The following GAS2L3 variants were observed in gnomAD, a reference collection of about 807,000 sequenced individuals.
GAS2L3 encodes GAS2-like protein 3.
GAS2L3 carries 28 observed loss-of-function variants against 37.0 expected under a neutral mutation model. That is an observed-to-expected ratio of 0.76 (90% CI 0.56 to 1.04). The LOEUF is 1.04. Ranked by LOEUF, GAS2L3 falls within the 50% of genes least tolerant of loss-of-function variation. The probability of loss-of-function intolerance (pLI) is 0.00; values close to 1 mark genes in which losing one functional copy is unlikely to be tolerated. For missense variants in GAS2L3, 793 were observed against 817.6 expected (o/e 0.97, Z 0.37); for synonymous variants, 290 against 296.6 (o/e 0.98, Z 0.23).
chr12:100,591,739 A>G lies in GAS2L3; in HGVS notation c.-148A>G, dbSNP rs1474891538. 3 of 152,152 alleles carry G rather than the reference A, an allele frequency of 2.0e-5. No individual in the cohort carries two copies. Among genetic ancestry groups the G allele is most frequent in the Non-Finnish European group, 2.9e-5 (2 of 68,024 alleles). The allele number at this position is 152,152 out of a possible 1,614,324, so 9.4% of individuals were successfully genotyped here. A position where few individuals can be genotyped will look rare whatever the true frequency, so the allele number is the denominator to read the frequency against. ...ATGGTCATATTTCATTTTACAGATC[A>G]GAACACTGAGGCTCAGAGAAGTTAA... On this transcript the variant is annotated 5_prime_UTR_variant, in exon 2 of 10. Coordinates refer to ENST00000547754, the MANE Select transcript of GAS2L3 (RefSeq NM_174942.3).
chr12:100,608,328 C>T (rs1956082084), intron 5 of GAS2L3, among the ~76,000 whole-genome samples: 1 of 152,184 alleles, frequency 6.6e-6, no homozygotes, highest in Admixed American at 6.5e-5. Flanking sequence ...CACTGTTTCA[C>T]ACCTGAAGGC....
rs565238224 is a variant in GAS2L3, at chr12:100,626,054, G to A, written c.*1164G>A. ...GACTGCATAAACTCCATCAACCTAA[G>A]GTGATACTTGTAAATAATTTATTTT... On this transcript the variant is annotated 3_prime_UTR_variant, in exon 10 of 10. Coordinates refer to ENST00000547754, the MANE Select transcript of GAS2L3 (RefSeq NM_174942.3). 2.0e-5 allele frequency: 3 copies of A among 152,160 alleles called. No individual in the cohort carries two copies. Among genetic ancestry groups the A allele is most frequent in the African/African-American group, 7.2e-5 (3 of 41,524 alleles). 9.4% of individuals were successfully genotyped at this position (152,160 alleles called of 1,614,324 possible).
At chr12:100,574,387 G>A (rs908028275) in intron 1 of GAS2L3, among the ~76,000 whole-genome samples, 3 of 152,166 alleles carry the variant, frequency 2.0e-5, no homozygotes, top group African/African-American at 4.8e-5. Flanking sequence ...CGGAACTGGG[G>A]AATAGAGCTG....
intron 1 of GAS2L3, among the ~76,000 whole-genome samples, chr12:100,583,899 C>A (rs1955745604): frequency 6.6e-6 from 1 of 152,028 alleles, no homozygotes; most frequent in Admixed American, 6.5e-5. Flanking sequence ...TGTATCAATT[C>A]AGGTCACGTA....
At chr12:100,622,171 T>G (rs1375988053) in intron 8 of GAS2L3, 104 bp from the exon 9 acceptor site, 1 of 558,310 alleles carries the variant, frequency 1.8e-6, no homozygotes, top group East Asian at 2.9e-5. Flanking sequence ...GAACCTGAAA[T>G]TTTTATCTTT....
At chr12:100,579,631 A>G in intron 1 of GAS2L3, 1 of 776,554 alleles carries the variant, frequency 1.3e-6, no homozygotes, top group Non-Finnish European at 2.4e-6. Context: ...AATGTTAGAA[A>G]TGTCTTAGTT....
At chr12:100,615,863 CA>C (rs1262314401) in intron 6 of GAS2L3, among the ~76,000 whole-genome samples, 1 of 152,074 alleles carries the variant, frequency 6.6e-6, no homozygotes, top group Non-Finnish European at 1.5e-5. Context: ...ATCCCTATGC[CA>C]GTGATACACT....
At chr12:100,593,228 C>T (rs1425540179) in intron 2 of GAS2L3, among the ~76,000 whole-genome samples, 1 of 152,066 alleles carries the variant, frequency 6.6e-6, no homozygotes, top group Non-Finnish European at 1.5e-5. Flanking sequence ...AAAGCACATG[C>T]TCATGTATAT....
chr12:100,617,638 C>T (rs1409433130), intron 6 of GAS2L3, 106 bp from the exon 7 acceptor site: 3 of 704,306 alleles, frequency 4.3e-6, no homozygotes, highest in South Asian at 1.7e-5. Flanking sequence ...ACAAGTAAAC[C>T]TGCTGTCTTC....
At chr12:100,600,167 A>G (rs576495051) in intron 3 of GAS2L3, among the ~76,000 whole-genome samples, 1 of 152,320 alleles carries the variant, frequency 6.6e-6, no homozygotes, top group South Asian at 2.1e-4. Flanking sequence ...TCAAGGCTGC[A>G]GTGAACCATA....
At chr12:100,589,444 A>G (rs1176576757) in intron 1 of GAS2L3, among the ~76,000 whole-genome samples, 1 of 152,228 alleles carries the variant, frequency 6.6e-6, no homozygotes, top group East Asian at 1.9e-4. Context: ...AAATGGAAAT[A>G]CATCCCATGC....
chr12:100,614,767 A>G (rs1302476612), intron 6 of GAS2L3, among the ~76,000 whole-genome samples: 2 of 152,234 alleles, frequency 1.3e-5, no homozygotes, highest in Admixed American at 6.5e-5. Flanking sequence ...TATAAATGGA[A>G]TCATACAATA....
intron 5 of GAS2L3, among the ~76,000 whole-genome samples, chr12:100,607,215 G>GA: frequency 6.6e-6 from 1 of 152,156 alleles, no homozygotes; most frequent in East Asian, 1.9e-4. Context: ...TAGGGCAAAA[G>GA]TTTTTTTCCT....
At chr12:100,615,204 T>C (rs1219311254) in intron 6 of GAS2L3, among the ~76,000 whole-genome samples, 3 of 152,190 alleles carry the variant, frequency 2.0e-5, no homozygotes, top group Non-Finnish European at 2.9e-5. Flanking sequence ...ACCATCCTAG[T>C]GGGTGTGAAG....
rs1284713841 is a variant in GAS2L3, at chr12:100,624,136, C to G, written c.1331C>G (p.Ala444Gly). 1 of 1,613,534 alleles carries G rather than the reference C, an allele frequency of 6.2e-7. No homozygotes were observed. Among genetic ancestry groups the G allele is most frequent in the Non-Finnish European group, 8.5e-7 (1 of 1,179,990 alleles). Reference sequence around the variant, plus strand: ...ATTTCATCCCCCAATACCCCCAAGGCCAAGGTTATTCCAGCCCAGAATTCA... The same window carrying G: ...ATTTCATCCCCCAATACCCCCAAGGGCAAGGTTATTCCAGCCCAGAATTCA... ...KCISSPNTPK[A>G]KVIPAQNSAD... Residue 444 changes from alanine (A) to glycine (G), a missense_variant, in exon 10 of 10, where the codon GCC becomes GGC. Coordinates refer to ENST00000547754, the MANE Select transcript of GAS2L3 (RefSeq NM_174942.3).
At chr12:100,616,619 AC>A (rs148248858) in intron 6 of GAS2L3, among the ~76,000 whole-genome samples, 72,564 of 150,410 alleles carry the variant, frequency 0.48, 17,858 homozygotes, top group Non-Finnish European at 0.54. Context: ...AAACAAACAA[AC>A]AAAAAAACTG....
intron 1 of GAS2L3, among the ~76,000 whole-genome samples, chr12:100,582,422 CAG>C (rs1955724959): frequency 6.6e-6 from 1 of 152,180 alleles, no homozygotes; most frequent in Admixed American, 6.5e-5. Context: ...GTGCAGGTCA[CAG>C]GGGATATGTG....
At position 100,622,344 on chromosome 12, in the gene GAS2L3, G is replaced by C. The variant is rs1242046513; in HGVS notation, c.718G>C (p.Gly240Arg). The change falls in exon 9 of 10, where the codon GGA becomes CGA. Residue 240 changes from glycine to arginine, a missense_variant. Gly to Arg is a moderately radical substitution (Grantham distance 125). Coordinates refer to ENST00000547754, the MANE Select transcript of GAS2L3 (RefSeq NM_174942.3). The part of the protein sequence containing the change: ...HRFSIEYLSE[G>R]RYRLGDKILF... ...ATTTTCTATTGAGTATTTATCTGAA[G>C]GACGGTACCGACTAGGGGATAAAAT... 1 of 1,597,866 alleles carries C rather than the reference G, an allele frequency of 6.3e-7. No homozygotes were observed. The highest frequency in any genetic ancestry group is 8.6e-7 in the Non-Finnish European group (1 of 1,166,320).
chr12:100,619,313 G>T (rs946361248), intron 8 of GAS2L3, among the ~76,000 whole-genome samples: 1 of 151,852 alleles, frequency 6.6e-6, no homozygotes, highest in African/African-American at 2.4e-5. Context: ...TAATAGAATT[G>T]CTCTTCCTTG....
Sources: allele counts gnomAD v4.1 joint callset (sites outside exome capture counted in the v4.1 genomes callset), GRCh38; gene constraint gnomAD v4.1.1; transcripts MANE v1.5; gene names NCBI Gene and HGNC (gene_info 2026-07-23, HGNC 2026-07-21).